The following PECAM1 variants were observed in gnomAD, a reference collection of about 807,000 sequenced individuals.
The protein encoded by PECAM1 is platelet endothelial cell adhesion molecule.
A neutral mutation model predicts 13.8 loss-of-function variants in PECAM1; 8 were observed. The observed-to-expected ratio is 0.58, with a 90% CI of 0.34 to 1.05. PECAM1 has a LOEUF of 1.05. Among genes scored for constraint, PECAM1 ranks in the 50% least tolerant of loss-of-function variants. The probability of loss-of-function intolerance (pLI) is 0.03; values close to 1 mark genes in which losing one functional copy is unlikely to be tolerated. For missense variants in PECAM1, 304 were observed against 141.2 expected (o/e 2.15, Z -5.84); for synonymous variants, 136 against 52.6 (o/e 2.58, Z -6.86).
intron 2 of PECAM1, chr17:64,390,089 G>T: frequency 1.1e-5 from 2 of 185,558 alleles, no homozygotes; most frequent in Non-Finnish European, 2.2e-5. Context: ...ACTTATAATT[G>T]TGTTTTTTGC....
intron 2 of PECAM1, among the ~76,000 whole-genome samples, chr17:64,386,445 T>A (rs2036596166): frequency 6.7e-6 from 1 of 150,014 alleles, no homozygotes; most frequent in African/African-American, 2.4e-5. Flanking sequence ...TGTTCTAGAA[T>A]TAGACAATGG....
chr17:64,383,788 G>A (rs1401457419), intron 2 of PECAM1, among the ~76,000 whole-genome samples: 11 of 152,140 alleles, frequency 7.2e-5, no homozygotes, highest in African/African-American at 2.4e-4. Flanking sequence ...CATGGGGCCC[G>A]TCCACCATCT....
At chr17:64,339,052 T>A (rs1310629478) in intron 14 of PECAM1, among the ~76,000 whole-genome samples, 2 of 152,130 alleles carry the variant, frequency 1.3e-5, no homozygotes, top group African/African-American at 2.4e-5. Context: ...TTCCCTAGAA[T>A]CCACACTAAG....
chr17:64,349,324 A>G (rs1390195315), intron 12 of PECAM1, among the ~76,000 whole-genome samples: 1 of 152,158 alleles, frequency 6.6e-6, no homozygotes, highest in Non-Finnish European at 1.5e-5. Flanking sequence ...GTGGTGGCTC[A>G]TGCCTGTAAT....
At position 64,343,756 on chromosome 17, in the gene PECAM1, C is replaced by A. The variant is rs2035489946; in HGVS notation, c.2108-2066G>T. On this transcript the variant is annotated intron_variant, in intron 13 of 15. Transcript: ENST00000563924. ...GTAGAGTGGCTGAGCTACCAGGGCA[C>A]CACACTGCTGGGACAGCAGAGATGC... 3.9e-5 allele frequency among the ~76,000 whole-genome samples: 6 copies of A among 152,314 alleles called. No homozygotes were observed. The South Asian group carries it at 1.2e-3, about 32-fold the overall frequency.
chr17:64,360,582 CTGTGTGTG>C (rs10589772), intron 6 of PECAM1, among the ~76,000 whole-genome samples, 167 bp from the exon 7 acceptor site: 171 of 139,480 alleles, frequency 1.2e-3, no homozygotes, highest in African/African-American at 4.2e-3. Context: ...GACTGACAGG[CTGTGTGTG>C]TGTGTGTGTG....
chr17:64,323,187 T>C lies in PECAM1; in HGVS notation c.*629A>G, dbSNP rs556074884. 1.8e-5 allele frequency: 18 copies of C among 987,290 alleles called. No individual in the cohort carries two copies. In the East Asian group the frequency reaches 5.7e-4, roughly 31 times the overall value. The allele number at this position is 987,290 out of a possible 1,614,324, so 61.2% of individuals were successfully genotyped here. ...CATCTGTGCTTGTTCCACCTTCATT[T>C]TCTGTTTTGTGCGTTGCCTGAATGA... On this transcript the variant is annotated 3_prime_UTR_variant, in exon 16 of 16. Transcript: ENST00000563924.
intron 3 of PECAM1, 49 bp downstream of exon 3, chr17:64,377,775 T>C (rs2036396652): frequency 1.3e-5 from 6 of 474,100 alleles, no homozygotes; most frequent in Non-Finnish European, 1.9e-5. Context: ...TTCACGCCAC[T>C]GTGTGCTATG....
In PECAM1 at chr17:64,347,446, G is replaced by A. The variant is rs1199321508; in HGVS notation, c.2107+814C>T. On this transcript the variant is annotated intron_variant, in intron 13 of 15. Coordinates refer to ENST00000563924, the MANE Select transcript of PECAM1 (RefSeq NM_000442.5). ...CTCGGGAGGCTGAGGCAGGAGAATC[G>A]CTTTAACCCGGAGGCAGAGGTTGCA... is the stretch of plus-strand genomic sequence containing the variant. 1.2e-4 allele frequency among the ~76,000 whole-genome samples: 18 copies of A among 149,976 alleles called. No individual in the cohort carries two copies. The East Asian group carries it at 2.6e-3, about 21-fold the overall frequency.
chr17:64,362,941 G>A, intron 6 of PECAM1, among the ~76,000 whole-genome samples: 1 of 152,236 alleles, frequency 6.6e-6, no homozygotes, highest in Non-Finnish European at 1.5e-5. Flanking sequence ...CAGAATCTTA[G>A]CAAGTCAGAG....
At chr17:64,331,848 G>A (rs1311415781) in intron 14 of PECAM1, among the ~76,000 whole-genome samples, 1 of 152,258 alleles carries the variant, frequency 6.6e-6, no homozygotes, top group African/African-American at 2.4e-5. Context: ...AAGAGGAGAT[G>A]TGGGCATTGG....
chr17:64,378,020 G>A lies in PECAM1; in HGVS notation c.189C>T (p.Thr63=). The part of the protein sequence containing the change: ...LTLQCFADVS[T]TSHVKPQHQM... ...GGTGCTGAGGCTTGACGTGAGAGGTGGTGCTGACATCCGCGAAGCACTGCA... is the reference window on the plus strand; with the variant it reads ...GGTGCTGAGGCTTGACGTGAGAGGTAGTGCTGACATCCGCGAAGCACTGCA... The change falls in exon 3 of 16, where the codon ACC becomes ACT. Residue 63 remains threonine (T), a synonymous_variant. Coordinates refer to ENST00000563924, the MANE Select transcript of PECAM1 (RefSeq NM_000442.5). 2.1e-6 allele frequency: 1 copy of A among 475,330 alleles called. No individual in the cohort carries two copies. Among genetic ancestry groups the A allele is most frequent in the Admixed American group, 3.2e-5 (1 of 31,744 alleles). The allele number at this position is 475,330 out of a possible 1,614,324, so 29.4% of individuals were successfully genotyped here. A position where few individuals can be genotyped will look rare whatever the true frequency, so the allele number is the denominator to read the frequency against.
intron 13 of PECAM1, among the ~76,000 whole-genome samples, chr17:64,347,106 C>T (rs1305949544): frequency 1.3e-5 from 2 of 152,108 alleles, no homozygotes; most frequent in Non-Finnish European, 2.9e-5. Flanking sequence ...GTGGTGGCTT[C>T]GCCTGTAATC....
At chr17:64,352,521 G>C in intron 10 of PECAM1, 58 bp from the exon 11 acceptor site, 1 of 421,066 alleles carries the variant, frequency 2.4e-6, no homozygotes, top group Non-Finnish European at 4.3e-6. Flanking sequence ...TGTTGTTATT[G>C]TTCTAACCCC....
chr17:64,343,956 G>T (rs926624299), intron 13 of PECAM1, among the ~76,000 whole-genome samples: 9 of 152,152 alleles, frequency 5.9e-5, no homozygotes, highest in African/African-American at 1.7e-4. Flanking sequence ...TGTGAACCCC[G>T]CACTGTGGAA....
intron 15 of PECAM1, among the ~76,000 whole-genome samples, chr17:64,325,017 G>A (rs1555645298): frequency 1.3e-5 from 2 of 152,222 alleles, no homozygotes; most frequent in African/African-American, 2.4e-5. Context: ...GATAGTGGTG[G>A]TGGTTGCACA....
At chr17:64,370,220 TTC>T in intron 4 of PECAM1, 195 bp from the exon 5 acceptor site, 1 of 379,010 alleles carries the variant, frequency 2.6e-6, no homozygotes. Flanking sequence ...CTCTTGCATC[TTC>T]AGGCTTCTTC....
rs1385272339 is a variant in PECAM1 at position 64,342,434 on chromosome 17, CG to C, written c.2108-745del. Among the ~76,000 whole-genome samples, 574 of 152,276 alleles carry C rather than the reference CG, an allele frequency of 3.8e-3. 3 individuals carry two copies. Among genetic ancestry groups the C allele is most frequent in the African/African-American group, 0.013 (550 of 41,560 alleles). ...CCCAATCACCTGAGAGCCCAGACCC[CG>C]GGATCCAGAACGAGATCCTGAGGTC... On this transcript the variant is annotated intron_variant, in intron 13 of 15. Coordinates refer to ENST00000563924, the MANE Select transcript of PECAM1 (RefSeq NM_000442.5).
intron 4 of PECAM1, among the ~76,000 whole-genome samples, chr17:64,372,513 G>C (rs2036263512): frequency 6.6e-6 from 1 of 151,838 alleles, no homozygotes; most frequent in African/African-American, 2.4e-5. Context: ...TGAAGTTTTT[G>C]TTGTTGTTTT....
Sources: allele counts gnomAD v4.1 joint callset (sites outside exome capture counted in the v4.1 genomes callset), GRCh38; gene constraint gnomAD v4.1.1; transcripts MANE v1.5; gene names NCBI Gene and HGNC (gene_info 2026-07-23, HGNC 2026-07-21).